GPN3: variants seen among roughly 807,000 people sequenced by gnomAD.
GPN3 encodes the protein GPN-loop GTPase 3.
A neutral mutation model predicts 38.7 loss-of-function variants in GPN3; 31 were observed. The ratio of observed to expected loss-of-function variants is 0.80; its 90% CI spans 0.60 to 1.08. The LOEUF (loss-of-function observed/expected upper bound fraction) is 1.08. GPN3 is among the 50% of genes least tolerant of loss of function. The pLI is 0.00. For missense variants in GPN3, 301 were observed against 354.4 expected, an observed-to-expected ratio of 0.85 and a Z score of 1.21; for synonymous variants, 116 against 120.2, an observed-to-expected ratio of 0.96 and a Z score of 0.23.
chr12:110,461,283 C>CA, intron 2 of GPN3: 1 of 1,291,346 alleles, frequency 7.7e-7, no homozygotes, highest in Admixed American at 1.7e-5. Context: ...GAAGATTCAC[C>CA]AAATAAGCCA....
At chr12:110,464,995 A>G in intron 2 of GPN3, 111 bp downstream of exon 2, 2 of 712,222 alleles carry the variant, frequency 2.8e-6, no homozygotes, top group Non-Finnish European at 5.2e-6. Context: ...TATTTACCAT[A>G]ACACCAGGGA....
At chr12:110,464,922 C>A in intron 2 of GPN3, 184 bp downstream of exon 2, 1 of 587,340 alleles carries the variant, frequency 1.7e-6, no homozygotes, top group Non-Finnish European at 3.1e-6. Flanking sequence ...ACATCAAAGA[C>A]CAAGAAAGGA....
intron 3 of GPN3, among the ~76,000 whole-genome samples, chr12:110,459,215 G>A (rs2062570028): frequency 6.6e-6 from 1 of 151,888 alleles, no homozygotes; most frequent in Non-Finnish European, 1.5e-5. Context: ...TACAAAGCAA[G>A]CACTTAATAG....
chr12:110,455,554 C>T, intron 6 of GPN3, 32 bp downstream of exon 6: 1 of 922,450 alleles, frequency 1.1e-6, no homozygotes, highest in Non-Finnish European at 1.8e-6. Flanking sequence ...GCCACTGCAC[C>T]TGGCCAAAAA....
intron 1 of GPN3, among the ~76,000 whole-genome samples, chr12:110,467,435 GA>G (rs1177369447): frequency 6.6e-6 from 1 of 152,096 alleles, no homozygotes; most frequent in African/African-American, 2.4e-5. Context: ...GACATAACGT[GA>G]AATTAGACAT....
At chr12:110,468,361 C>T, upstream of GPN3, 1 of 1,525,662 alleles carries the variant, frequency 6.6e-7, no homozygotes, top group Admixed American at 2.0e-5. Flanking sequence ...GGCCAAATCC[C>T]GTGAGAAACG....
At chr12:110,462,688 A>G (rs2062597722) in intron 2 of GPN3, among the ~76,000 whole-genome samples, 1 of 151,362 alleles carries the variant, frequency 6.6e-6, no homozygotes, top group Non-Finnish European at 1.5e-5. Flanking sequence ...CCCGGGTTCA[A>G]GCGATTCCCC....
intron 2 of GPN3, among the ~76,000 whole-genome samples, chr12:110,462,345 G>A (rs1381840029): frequency 6.6e-6 from 1 of 151,940 alleles, no homozygotes; most frequent in Non-Finnish European, 1.5e-5. Flanking sequence ...CAAAGAGAAC[G>A]TCCCCAAACC....
intron 5 of GPN3, 26 bp downstream of exon 5, chr12:110,455,789 T>C (rs745481792): frequency 3.2e-5 from 39 of 1,222,246 alleles, no homozygotes; most frequent in Non-Finnish European, 4.4e-5. Context: ...TGAGATCTGA[T>C]AATAATGGAA....
chr12:110,465,514 G>C (rs2062621242), intron 1 of GPN3, among the ~76,000 whole-genome samples: 1 of 152,166 alleles, frequency 6.6e-6, no homozygotes, highest in Admixed American at 6.6e-5. Context: ...TATTTAAAGG[G>C]AAGAGTTCTG....
chr12:110,456,790 T>C (rs1003688474), intron 4 of GPN3, among the ~76,000 whole-genome samples: 6 of 151,796 alleles, frequency 4.0e-5, no homozygotes, highest in African/African-American at 1.2e-4. Context: ...CTCTGCTTCC[T>C]GTACTCAAGC....
chr12:110,465,291 AC>A (rs113963267), intron 1 of GPN3, 77 bp from the exon 2 acceptor site: 22 of 847,292 alleles, frequency 2.6e-5, no homozygotes, highest in Middle Eastern at 4.5e-4. Flanking sequence ...AATACTATCC[AC>A]TAAGGTCAAA....
intron 6 of GPN3, among the ~76,000 whole-genome samples, chr12:110,455,199 C>G (rs1358534386): frequency 6.6e-6 from 1 of 152,016 alleles, no homozygotes; most frequent in Admixed American, 6.6e-5. Flanking sequence ...TCTCAACTCA[C>G]TGCAACCTCC....
chr12:110,459,854 C>G lies in GPN3; in HGVS notation c.166G>C (p.Glu56Gln). 6.2e-7 allele frequency: 1 copy of G among 1,613,750 alleles called. No individual in the cohort carries two copies. The change falls in exon 3 of 8, where the codon GAA (glutamate) becomes CAA (glutamine). Residue 56 changes from glutamate (E) to glutamine (Q), a missense_variant. Coordinates refer to ENST00000228827, the MANE Select transcript of GPN3 (RefSeq NM_016301.4). ...FNYSVMADIR[E>Q]LIEVDDVMED... ...ATTACATCATCCACCTCGATCAGTT[C>G]CCGGATGTCTGAAAAGGACAGATAG...
At chr12:110,461,172 T>A (rs2062585688) in intron 2 of GPN3, 1 of 1,284,844 alleles carries the variant, frequency 7.8e-7, no homozygotes, top group African/African-American at 1.5e-5. Context: ...ACTCCAGATG[T>A]GCGCATTGAT....
At chr12:110,461,731 C>T (rs1238626766) in intron 2 of GPN3, among the ~76,000 whole-genome samples, 3 of 152,160 alleles carry the variant, frequency 2.0e-5, no homozygotes, top group East Asian at 1.9e-4. Context: ...CTACATTCTC[C>T]ATTCACAAAG....
At position 110,455,641 on chromosome 12, in the gene GPN3, G is replaced by T; in HGVS notation, c.608C>A (p.Thr203Lys). The T allele has an allele frequency of 1.4e-6, 2 of 1,414,294 alleles. No individual in the cohort carries two copies. The highest frequency in any genetic ancestry group is 2.0e-6 in the Non-Finnish European group (2 of 999,474). 87.6% of individuals were successfully genotyped at this position (1,414,294 alleles called of 1,614,324 possible). The stretch of plus-strand genomic sequence containing the variant: ...GAATTTTTTGCTTCTTAAGTCACTT[G>T]TAGAATCTTCTAATAAAGAATACAT... ...PDMYSLLEDS[T>K]SDLRSKKFKK... The change falls in exon 6 of 8, where the codon ACA becomes AAA. Residue 203 changes from threonine (T) to lysine (K), a missense_variant. Coordinates refer to ENST00000228827, the MANE Select transcript of GPN3 (RefSeq NM_016301.4).
At chr12:110,465,800 G>T (rs2062623201) in intron 1 of GPN3, among the ~76,000 whole-genome samples, 2 of 152,156 alleles carry the variant, frequency 1.3e-5, no homozygotes, top group South Asian at 4.1e-4. Flanking sequence ...TCTCGGGCTG[G>T]GTGCAGTGGC....
intron 2 of GPN3, chr12:110,464,825 C>T: frequency 2.8e-6 from 1 of 358,200 alleles, no homozygotes; most frequent in South Asian, 2.9e-5. Flanking sequence ...AAATTCCTGA[C>T]CTCGTGATCC....
Sources: gnomAD v4.1 joint callset for allele counts (sites outside exome capture counted in the v4.1 genomes callset) on GRCh38, gnomAD v4.1.1 for gene constraint, MANE v1.5 for transcripts, NCBI Gene and HGNC (gene_info 2026-07-23, HGNC 2026-07-21) for gene names.